The following BCL2L12 variants were observed in gnomAD, a reference collection of about 807,000 sequenced individuals.
BCL2L12 encodes the protein bcl-2-like protein 12.
In BCL2L12, 27 loss-of-function variants were observed where a neutral mutation model predicts 25.7. That is an observed-to-expected ratio of 1.05 (90% CI 0.78 to 1.45). The LOEUF (loss-of-function observed/expected upper bound fraction) is 1.45. Among genes scored for constraint, BCL2L12 ranks in the 40% most tolerant of loss-of-function variants. BCL2L12 has a pLI of 0.00. For missense variants in BCL2L12, 302 were observed against 329.8 expected (o/e 0.92, Z 0.65); for synonymous variants, 132 against 145.6 (o/e 0.91, Z 0.67).
intron 6 of BCL2L12, among the ~76,000 whole-genome samples, chr19:49,671,576 T>C (rs1039200870): frequency 6.6e-6 from 1 of 152,152 alleles, no homozygotes; most frequent in Admixed American, 6.5e-5. Flanking sequence ...AGTTCAAGGC[T>C]GTGGTGAGCT....
chr19:49,665,995 A>C lies in BCL2L12; in HGVS notation c.-81A>C. On this transcript the variant is annotated 5_prime_UTR_variant, in exon 1 of 7. Coordinates refer to ENST00000246784, the MANE Select transcript of BCL2L12 (RefSeq NM_138639.2). ...GCGCAGGCGCGGGAAAGTTGAACTA[A>C]TAAAGTTTGTACGAGTTCAGTGGAG... The C allele has an allele frequency of 6.2e-7, 1 of 1,605,394 alleles. No individual in the cohort carries two copies. Among genetic ancestry groups the C allele is most frequent in the Non-Finnish European group, 8.5e-7 (1 of 1,175,348 alleles).
chr19:49,670,477 C>T lies in BCL2L12; in HGVS notation c.691C>T (p.His231Tyr). 1 of 1,536,484 alleles carries T rather than the reference C, an allele frequency of 6.5e-7. No homozygotes were observed. The highest frequency in any genetic ancestry group is 2.3e-4 in the Middle Eastern group (1 of 4,378). Residue 231 changes from histidine (H) to tyrosine (Y), a missense_variant, in exon 6 of 7, where the codon CAC becomes TAC. His to Tyr is a moderately conservative substitution (Grantham distance 83). Transcript: ENST00000246784. ...CAGCTTCACGCCCTGGATCCAGGCC[C>T]ACGGGGGCTGGGTGAGCCGCTGAAG... Reference protein sequence around the residue: ...VHSFTPWIQAHGGWEGILAVS... With the variant: ...VHSFTPWIQAYGGWEGILAVS...
rs780710803 is a variant in BCL2L12 at position 49,666,051 on chromosome 19, G to T, written c.-25G>T. Reference sequence around the variant, plus strand: ...CGCAAGTTGAGTGGAGGAGGCGGCGGTGGGGCCCCGGACCAGGTCAGCGGG... The same window carrying T: ...CGCAAGTTGAGTGGAGGAGGCGGCGTTGGGGCCCCGGACCAGGTCAGCGGG... On this transcript the variant is annotated 5_prime_UTR_variant, in exon 1 of 7. Transcript: ENST00000246784. 1.1e-4 allele frequency: 171 copies of T among 1,555,530 alleles called. No homozygotes were observed. The highest frequency in any genetic ancestry group is 1.3e-4 in the Non-Finnish European group (152 of 1,148,250).
chr19:49,669,097 A>G lies in BCL2L12; in HGVS notation c.411A>G (p.Ala137=). 1 of 1,614,088 alleles carries G rather than the reference A, an allele frequency of 6.2e-7. No homozygotes were observed. The change falls in exon 5 of 7, where the codon GCA becomes GCG. Residue 137 remains alanine (A), a synonymous_variant. Coordinates refer to ENST00000246784, the MANE Select transcript of BCL2L12 (RefSeq NM_138639.2). ...RRLVALLEEE[A]EVINQKLASD... ...TGGTGGCCCTGCTGGAGGAGGAGGC[A>G]GAAGTCATTAACCAGAAGGTGATGG...
chr19:49,666,870 CA>C, intron 2 of BCL2L12, 71 bp downstream of exon 2: 1 of 1,518,096 alleles, frequency 6.6e-7, no homozygotes, highest in Non-Finnish European at 8.9e-7. Context: ...CTCCTGGTCT[CA>C]GTCTGTCTCC....
intron 6 of BCL2L12, 112 bp from the exon 7 acceptor site, chr19:49,673,586 G>A (rs1031380260): frequency 2.3e-5 from 21 of 896,422 alleles, no homozygotes; most frequent in Non-Finnish European, 3.7e-5. Context: ...GTCACCCTCC[G>A]CTCTCTGGTT....
upstream of BCL2L12, chr19:49,665,504 G>A: frequency 3.6e-6 from 1 of 276,432 alleles, no homozygotes; most frequent in Non-Finnish European, 6.9e-6. Flanking sequence ...GGCCACTGTA[G>A]CTCCTTCCTT....
chr19:49,667,233 C>A, intron 3 of BCL2L12, 72 bp downstream of exon 3: 1 of 1,571,088 alleles, frequency 6.4e-7, no homozygotes. Context: ...GATCACTCAG[C>A]TAGGGGGTGG....
intron 4 of BCL2L12, 39 bp from the exon 5 acceptor site, chr19:49,668,985 C>G (rs1403605523): frequency 6.2e-7 from 1 of 1,613,904 alleles, no homozygotes. Context: ...GGAGGATAGT[C>G]AGGGTTCTGC....
At position 49,672,856 on chromosome 19, in the gene BCL2L12, G is replaced by A. The variant is rs2081988661; in HGVS notation, c.703-842G>A. 6.6e-6 allele frequency among the ~76,000 whole-genome samples: 1 copy of A among 152,118 alleles called. No homozygotes were observed. On this transcript the variant is annotated intron_variant, in intron 6 of 6. Transcript: ENST00000246784. The surrounding 1 kb of genome is among the most constrained non-coding windows in gnomAD (Gnocchi z 4.1). Reference sequence around the variant, plus strand: ...TATAAGTGTTGGGCTCAGCAAAGAAGCTCGTTTATTTTATTTTATTTTAAT... The same window carrying A: ...TATAAGTGTTGGGCTCAGCAAAGAAACTCGTTTATTTTATTTTATTTTAAT...
At position 49,667,089 on chromosome 19, in the gene BCL2L12, C is replaced by T. The variant is rs140106231; in HGVS notation, c.178C>T (p.Arg60Ter). 958 of 1,613,838 alleles carry T rather than the reference C, an allele frequency of 5.9e-4. No homozygotes were observed. Among genetic ancestry groups the T allele is most frequent in the Non-Finnish European group, 7.4e-4 (877 of 1,180,012 alleles). ...AAGATGTCTTCCCTGCTCCCTGGGGCGAGGAGCAGCCCCCTCTGAGTCCCC... is the reference window on the plus strand; with the variant it reads ...AAGATGTCTTCCCTGCTCCCTGGGGTGAGGAGCAGCCCCCTCTGAGTCCCC... Reference protein sequence around the residue: ...LRRCLPCSLGRGAAPSESPRP... With the variant: ...LRRCLPCSLG The change falls in exon 3 of 7, where the codon CGA becomes TGA. Residue 60 changes from arginine (R) to a stop codon, truncating the protein, a stop_gained. Transcript: ENST00000246784. LOFTEE classifies it high-confidence loss of function.
At position 49,673,739 on chromosome 19, in the gene BCL2L12, A is replaced by T; in HGVS notation, c.744A>T (p.Pro248=). 1 of 1,614,072 alleles carries T rather than the reference A, an allele frequency of 6.2e-7. No individual in the cohort carries two copies. The highest frequency in any genetic ancestry group is 8.5e-7 in the Non-Finnish European group (1 of 1,179,982). ...TTTCACCCGTGGACTTGAACTTGCC[A>T]TTGGACTGAGCTCTTTCTCAGAAGC... The part of the protein sequence containing the change: ...LAVSPVDLNL[P]LD Residue 248 remains proline (P), a synonymous_variant, in exon 7 of 7, where the codon CCA becomes CCT. Coordinates refer to ENST00000246784, the MANE Select transcript of BCL2L12 (RefSeq NM_138639.2).
chr19:49,665,582 T>C (rs2081673553), upstream of BCL2L12: 1 of 523,340 alleles, frequency 1.9e-6, no homozygotes, highest in African/African-American at 1.9e-5. Context: ...TCTTTCCCGC[T>C]CCTCGCTCTC....
rs149338353 is a variant in BCL2L12, at chr19:49,668,927, G to A, written c.327G>A (p.Pro109=). 2.7e-4 allele frequency: 443 copies of A among 1,613,868 alleles called. 3 individuals carry two copies. In the African/African-American group the frequency reaches 4.9e-3, roughly 18 times the overall value. ...EQLVQEQLKS[P]PSPELQGPPS... is the part of the protein sequence containing the mutation. ...TGGTCCAAGAGCAGCTGAAATCTCCGCCCAGCCCAGGTGAGGCACAGAGGA... is the reference window on the plus strand; with the variant it reads ...TGGTCCAAGAGCAGCTGAAATCTCCACCCAGCCCAGGTGAGGCACAGAGGA... Residue 109 remains proline (P), a synonymous_variant, in exon 4 of 7, where the codon CCG becomes CCA. Transcript: ENST00000246784.
upstream of BCL2L12, chr19:49,665,655 G>A (rs1020622789): frequency 1.1e-5 from 9 of 840,280 alleles, no homozygotes; most frequent in South Asian, 5.5e-5. Flanking sequence ...CGGGGCGTGC[G>A]GGCAGCTGGA....
In BCL2L12 at chr19:49,673,914, G is replaced by A. The variant is rs3745469; in HGVS notation, c.*166G>A. 62,684 of 686,808 alleles carry A rather than the reference G, an allele frequency of 0.091. 3,387 individuals are homozygous for A. Among genetic ancestry groups the A allele is most frequent in the Middle Eastern group, 0.2 (750 of 3,806 alleles). 42.5% of individuals were successfully genotyped at this position (686,808 alleles called of 1,614,324 possible). Reference sequence around the variant, plus strand: ...CTTTTCTTATTAAAAACGTTACAAAGTATTCAATTGTCTGTTCTTACACTT... The same window carrying A: ...CTTTTCTTATTAAAAACGTTACAAAATATTCAATTGTCTGTTCTTACACTT... On this transcript the variant is annotated 3_prime_UTR_variant, in exon 7 of 7. Coordinates refer to ENST00000246784, the MANE Select transcript of BCL2L12 (RefSeq NM_138639.2).
rs1275345066 is a variant in BCL2L12, at chr19:49,668,865, G to C, written c.265G>C (p.Asp89His). 3 of 1,612,792 alleles carry C rather than the reference G, an allele frequency of 1.9e-6. No individual in the cohort carries two copies. The African/African-American group carries it at 4.0e-5, about 22-fold the overall frequency. The change falls in exon 4 of 7, where the codon GAC becomes CAC. Residue 89 changes from aspartate to histidine, a missense_variant. Asp to His is a moderately conservative substitution (Grantham distance 81, BLOSUM62 -1). Coordinates refer to ENST00000246784, the MANE Select transcript of BCL2L12 (RefSeq NM_138639.2). ...YGLEPGPATP[D>H]FYALVAQRLE... Reference sequence around the variant, plus strand: ...TTTCACCCCAGGCCCAGCTACTCCAGACTTCTATGCTTTGGTGGCCCAGCG... The same window carrying C: ...TTTCACCCCAGGCCCAGCTACTCCACACTTCTATGCTTTGGTGGCCCAGCG...
chr19:49,668,188 C>A (rs930107721), intron 3 of BCL2L12, among the ~76,000 whole-genome samples: 1 of 151,448 alleles, frequency 6.6e-6, no homozygotes, highest in Non-Finnish European at 1.5e-5. Context: ...CTCTACCTCC[C>A]GGGTTCAAGT....
upstream of BCL2L12, chr19:49,665,821 C>G (rs1314191201): frequency 1.3e-6 from 2 of 1,587,306 alleles, no homozygotes; most frequent in African/African-American, 1.3e-5. Flanking sequence ...GACCCAAAAG[C>G]CGATGGGACG....
Sources: allele counts gnomAD v4.1 joint callset (sites outside exome capture counted in the v4.1 genomes callset), GRCh38; gene constraint gnomAD v4.1.1; non-coding constraint Gnocchi (gnomAD v3.1); transcripts MANE v1.5; gene names NCBI Gene and HGNC (gene_info 2026-07-23, HGNC 2026-07-21).